Variants in SPTLC3 observed in about 807,000 individuals in gnomAD.
SPTLC3 encodes the protein serine palmitoyltransferase 3.
Under a neutral mutation model 59.3 loss-of-function variants are expected in SPTLC3, and 36 were observed. The ratio of observed to expected loss-of-function variants is 0.61; its 90% CI spans 0.47 to 0.80. The LOEUF (loss-of-function observed/expected upper bound fraction) is 0.80. Ranked by LOEUF, SPTLC3 falls within the 30% of genes least tolerant of loss-of-function variation. The pLI is 0.00. For synonymous variants in SPTLC3, 257 were observed against 240.8 expected, an observed-to-expected ratio of 1.07 and a Z score of -0.62; for missense variants, 625 against 685.1, an observed-to-expected ratio of 0.91 and a Z score of 0.98.
intron 2 of SPTLC3, among the ~76,000 whole-genome samples, chr20:13,053,740 C>T (rs768589575): frequency 7.2e-5 from 11 of 151,952 alleles, no homozygotes; most frequent in Non-Finnish European, 1.3e-4. Flanking sequence ...CTTCGTGAAG[C>T]ATACACAAGT....
intron 4 of SPTLC3, among the ~76,000 whole-genome samples, chr20:13,090,409 T>C (rs1989171620): frequency 1.3e-5 from 2 of 152,204 alleles, no homozygotes; most frequent in African/African-American, 4.8e-5. Context: ...ACTAGTTTTA[T>C]TGGTATCTAT....
chr20:13,011,162 T>C (rs1273612681), intron 1 of SPTLC3, among the ~76,000 whole-genome samples: 1 of 152,102 alleles, frequency 6.6e-6, no homozygotes, highest in Non-Finnish European at 1.5e-5. Flanking sequence ...CCGGCTGAGA[T>C]CATAGTGTAA....
chr20:13,160,251 A>G, intron 11 of SPTLC3, 119 bp downstream of exon 11: 1 of 1,271,090 alleles, frequency 7.9e-7, no homozygotes. Flanking sequence ...GGAAAACAAC[A>G]CTGACAAAAG....
Position 13,165,134 on chromosome 20 carries a change from T to C in SPTLC3, c.*267T>C. On this transcript the variant is annotated 3_prime_UTR_variant, in exon 12 of 12. Coordinates refer to ENST00000399002, the MANE Select transcript of SPTLC3 (RefSeq NM_018327.4). ...CACACACACACACTTCTGAGAATAT[T>C]TTTAATGGCAATAAGCCTGTGTTTT... The C allele has an allele frequency of 2.8e-6, 1 of 360,280 alleles. No homozygotes were observed. Among genetic ancestry groups the C allele is most frequent in the East Asian group, 5.0e-5 (1 of 19,958 alleles). The allele number at this position is 360,280 out of a possible 1,614,324, so 22.3% of individuals were successfully genotyped here. A position where few individuals can be genotyped will look rare whatever the true frequency, so the allele number is the denominator to read the frequency against.
intron 4 of SPTLC3, among the ~76,000 whole-genome samples, chr20:13,086,829 T>C (rs574942942): frequency 6.6e-6 from 1 of 152,120 alleles, no homozygotes; most frequent in African/African-American, 2.4e-5. Flanking sequence ...GATCTTGCTT[T>C]GTCACCCAGG....
chr20:13,016,245 G>T (rs1489140552), intron 1 of SPTLC3, among the ~76,000 whole-genome samples: 1 of 152,056 alleles, frequency 6.6e-6, no homozygotes, highest in Non-Finnish European at 1.5e-5. Context: ...CATGAGAAAA[G>T]AAAGAAAAGT....
intron 9 of SPTLC3, among the ~76,000 whole-genome samples, chr20:13,136,901 A>T (rs983785842): frequency 3.3e-5 from 5 of 151,960 alleles, no homozygotes; most frequent in African/African-American, 9.7e-5. Context: ...ATTATCTTAG[A>T]TATTATCAAT....
At chr20:13,154,256 C>T (rs1158166214) in intron 10 of SPTLC3, 118 bp downstream of exon 10, 3 of 1,323,692 alleles carry the variant, frequency 2.3e-6, no homozygotes, top group African/African-American at 1.5e-5. Context: ...AGAATTCACT[C>T]GTACGGCTTC....
chr20:13,168,184 T>C lies in SPTLC3; in HGVS notation c.*3317T>C, dbSNP rs11698269. ...GTATCTTTCTTTTCTTTCTTTCTTT[T>C]TTTTTTTTTTTTTGAGACAGAGTTT... is the stretch of plus-strand genomic sequence containing the variant. On this transcript the variant is annotated 3_prime_UTR_variant, in exon 12 of 12. Coordinates refer to ENST00000399002, the MANE Select transcript of SPTLC3 (RefSeq NM_018327.4). 33,251 of 146,400 alleles carry C rather than the reference T, an allele frequency of 0.23. 4,002 individuals carry two copies. Among genetic ancestry groups the C allele is most frequent in the South Asian group, 0.42 (1,922 of 4,528 alleles). The allele number at this position is 146,400 out of a possible 1,614,324, so 9.1% of individuals were successfully genotyped here. A position where few individuals can be genotyped will look rare whatever the true frequency, so the allele number is the denominator to read the frequency against.
intron 2 of SPTLC3, among the ~76,000 whole-genome samples, chr20:13,058,370 A>G (rs1987811768): frequency 6.6e-6 from 1 of 151,360 alleles, no homozygotes; most frequent in Non-Finnish European, 1.5e-5. Flanking sequence ...ACCTGCATAG[A>G]TCCGAACCCA....
At chr20:13,066,542 C>T (rs2122553296) in intron 2 of SPTLC3, among the ~76,000 whole-genome samples, 1 of 152,270 alleles carries the variant, frequency 6.6e-6, no homozygotes, top group Non-Finnish European at 1.5e-5. Context: ...AACCTTATGA[C>T]TCCTTGCATA....
chr20:13,086,691 C>CCTT (rs2122611395), intron 4 of SPTLC3, among the ~76,000 whole-genome samples: 1 of 152,286 alleles, frequency 6.6e-6, no homozygotes, highest in Admixed American at 6.5e-5. Flanking sequence ...CACTGGAAAT[C>CCTT]CTGAAAAAGG....
intron 9 of SPTLC3, 112 bp from the exon 10 acceptor site, chr20:13,153,891 A>G (rs2038707243): frequency 4.3e-6 from 6 of 1,397,994 alleles, no homozygotes; most frequent in Non-Finnish European, 4.9e-6. Flanking sequence ...TCCTCCTCCC[A>G]GCTAGTGCTG....
chr20:13,111,966 C>A (rs1220128189), intron 7 of SPTLC3, among the ~76,000 whole-genome samples: 2 of 152,182 alleles, frequency 1.3e-5, no homozygotes, highest in Non-Finnish European at 2.9e-5. Context: ...CCCACCACTT[C>A]AGAAGGACAA....
intron 1 of SPTLC3, among the ~76,000 whole-genome samples, chr20:13,039,599 C>T (rs1986884845): frequency 1.3e-5 from 2 of 151,980 alleles, no homozygotes; most frequent in Admixed American, 1.3e-4. Flanking sequence ...TCATTTCATC[C>T]ATTCACATCT....
rs1216220158 is a variant in SPTLC3 at position 13,117,593 on chromosome 20, T to C, written c.1020T>C (p.Ser340=). 2.5e-6 allele frequency: 4 copies of C among 1,613,924 alleles called. No homozygotes were observed. In the African/African-American group the frequency reaches 5.3e-5, roughly 22 times the overall value. ...KAYLYIDEAH[S]IGAVGPTGRG... is the part of the protein sequence containing the mutation. ...ACCTCTACATAGATGAAGCTCACAG[T>C]ATTGGGGCCGTGGGCCCAACCGGCC... The change falls in exon 8 of 12, where the codon AGT becomes AGC. Residue 340 remains serine (S), a synonymous_variant. Transcript: ENST00000399002.
At chr20:13,033,981 G>A (rs1438539963) in intron 1 of SPTLC3, among the ~76,000 whole-genome samples, 4 of 152,012 alleles carry the variant, frequency 2.6e-5, no homozygotes, top group East Asian at 1.9e-4. Flanking sequence ...AAGAAATTAC[G>A]AAAAGTGACG....
At chr20:13,150,901 C>G (rs1232773875) in intron 9 of SPTLC3, among the ~76,000 whole-genome samples, 1 of 152,144 alleles carries the variant, frequency 6.6e-6, no homozygotes, top group African/African-American at 2.4e-5. Context: ...GTTCATTCAT[C>G]ATTTATTGAT....
At chr20:13,073,888 C>A in intron 3 of SPTLC3, 1 of 552,898 alleles carries the variant, frequency 1.8e-6, no homozygotes, top group South Asian at 1.5e-5. Context: ...ATAGGACGGT[C>A]CTGTTTGTTG....
Sources: allele counts gnomAD v4.1 joint callset (sites outside exome capture counted in the v4.1 genomes callset), GRCh38; gene constraint gnomAD v4.1.1; transcripts MANE v1.5; gene names NCBI Gene and HGNC (gene_info 2026-07-23, HGNC 2026-07-21).